The following PDZRN4 variants were observed in gnomAD, a reference collection of about 807,000 sequenced individuals.
PDZRN4 encodes PDZ domain containing ring finger 4.
PDZRN4 carries 70 observed loss-of-function variants against 99.0 expected under a neutral mutation model. The observed-to-expected ratio is 0.71, with a 90% CI of 0.58 to 0.86. The LOEUF is 0.86. Among genes scored for constraint, PDZRN4 ranks in the 40% least tolerant of loss-of-function variants. The probability of loss-of-function intolerance (pLI) is 0.00; values close to 1 mark genes in which losing one functional copy is unlikely to be tolerated. For synonymous variants in PDZRN4, 551 were observed against 501.6 expected (o/e 1.10, Z -1.32); for missense variants, 1,474 against 1,331.2 (o/e 1.11, Z -1.67).
In PDZRN4 at chr12:41,189,019, G is replaced by C. The variant is rs1950716585; in HGVS notation, c.564G>C (p.Thr188=). The C allele has an allele frequency of 3.2e-6, 5 of 1,559,384 alleles. No homozygotes were observed. Among genetic ancestry groups the C allele is most frequent in the Middle Eastern group, 1.7e-4 (1 of 6,044 alleles). ...LWALQGEVQL[T]ARRYQEKFTQ... ...CGCTGCAGGGCGAGGTGCAGCTCACGGCGCGCAGGTACCAGGAGAAGTTCA... is the reference window on the plus strand; with the variant it reads ...CGCTGCAGGGCGAGGTGCAGCTCACCGCGCGCAGGTACCAGGAGAAGTTCA... Residue 188 remains threonine (T), a synonymous_variant, in exon 1 of 10, where the codon ACG becomes ACC. Transcript: ENST00000402685.
At chr12:41,228,806 T>C (rs564013893) in intron 3 of PDZRN4, among the ~76,000 whole-genome samples, 3 of 152,226 alleles carry the variant, frequency 2.0e-5, no homozygotes, top group South Asian at 4.1e-4. Context: ...TGAAATTCAA[T>C]AGTATATACA....
intron 3 of PDZRN4, among the ~76,000 whole-genome samples, chr12:41,370,979 T>C (rs1002610057): frequency 6.6e-6 from 1 of 151,572 alleles, no homozygotes; most frequent in African/African-American, 2.4e-5. Flanking sequence ...ATTCCTCTAT[T>C]ATATGCACTT....
At chr12:41,331,593 A>G (rs1157191637) in intron 3 of PDZRN4, among the ~76,000 whole-genome samples, 5 of 152,106 alleles carry the variant, frequency 3.3e-5, no homozygotes, top group African/African-American at 1.2e-4. Context: ...AGCGATTTCT[A>G]TTTTCACAGT....
chr12:41,307,921 A>C (rs1951582909), intron 3 of PDZRN4, among the ~76,000 whole-genome samples: 1 of 152,132 alleles, frequency 6.6e-6, no homozygotes, highest in Non-Finnish European at 1.5e-5. Context: ...TATATGGAAC[A>C]AAAAAACAAC....
intron 3 of PDZRN4, among the ~76,000 whole-genome samples, chr12:41,430,892 A>T (rs1471034134): frequency 1.3e-5 from 2 of 152,190 alleles, no homozygotes; most frequent in Non-Finnish European, 2.9e-5. Context: ...GCTGCAGGGA[A>T]CTTTCAATCA....
chr12:41,321,662 T>A (rs1206656679), intron 3 of PDZRN4, among the ~76,000 whole-genome samples: 1 of 152,176 alleles, frequency 6.6e-6, no homozygotes, highest in Non-Finnish European at 1.5e-5. Flanking sequence ...TGGTTTTGGT[T>A]TTTTGGATGG....
At chr12:41,471,876 T>G (rs541776865) in intron 3 of PDZRN4, among the ~76,000 whole-genome samples, 1 of 150,890 alleles carries the variant, frequency 6.6e-6, no homozygotes, top group East Asian at 1.9e-4. Context: ...ATACACTAAG[T>G]TTTCTGTTAG....
At chr12:41,469,664 G>A (rs1592072579) in intron 3 of PDZRN4, among the ~76,000 whole-genome samples, 1 of 152,186 alleles carries the variant, frequency 6.6e-6, no homozygotes, top group East Asian at 1.9e-4. Flanking sequence ...GGGCAGGGTG[G>A]CTCACGCCTG....
chr12:41,396,076 A>G (rs1952243833), intron 3 of PDZRN4, among the ~76,000 whole-genome samples: 2 of 152,102 alleles, frequency 1.3e-5, no homozygotes, highest in South Asian at 2.1e-4. Context: ...TTTACTATAA[A>G]CAGCAAAAAG....
At chr12:41,417,337 C>T (rs1015149522) in intron 3 of PDZRN4, among the ~76,000 whole-genome samples, 5 of 152,322 alleles carry the variant, frequency 3.3e-5, no homozygotes, top group Non-Finnish European at 5.9e-5. Flanking sequence ...TGGTAAGTGC[C>T]ATTGCTAGCA....
intron 5 of PDZRN4, 141 bp from the exon 6 acceptor site, chr12:41,552,515 A>G (rs77088982): frequency 0.026 from 6,367 of 243,832 alleles, 360 homozygotes; most frequent in African/African-American, 0.22. Context: ...AATATTGGTA[A>G]AAAAAAAAAA....
At chr12:41,209,317 A>AGTTTTCTT (rs1950871556) in intron 3 of PDZRN4, among the ~76,000 whole-genome samples, 1 of 142,874 alleles carries the variant, frequency 7.0e-6, no homozygotes, top group Non-Finnish European at 1.5e-5. Flanking sequence ...GTCAATGGCA[A>AGTTTTCTT]GTTTTCTTTT....
At chr12:41,337,461 G>A (rs140293694) in intron 3 of PDZRN4, among the ~76,000 whole-genome samples, 1 of 151,922 alleles carries the variant, frequency 6.6e-6, no homozygotes, top group East Asian at 1.9e-4. Context: ...TGGACAACCA[G>A]ATGCGAAGAG....
chr12:41,546,363 T>C (rs545692523), intron 5 of PDZRN4, among the ~76,000 whole-genome samples: 18 of 152,330 alleles, frequency 1.2e-4, no homozygotes, highest in Non-Finnish European at 1.9e-4. Context: ...ATTAGATTAT[T>C]GTTTAACAGA....
chr12:41,250,102 T>G (rs544419597), intron 3 of PDZRN4, among the ~76,000 whole-genome samples: 10 of 152,210 alleles, frequency 6.6e-5, no homozygotes. Flanking sequence ...TGTTTGCTCT[T>G]GACTTAGGTG....
intron 3 of PDZRN4, among the ~76,000 whole-genome samples, chr12:41,397,984 T>C (rs115175004): frequency 2.2e-4 from 34 of 152,258 alleles, no homozygotes; most frequent in African/African-American, 7.2e-4. Context: ...AATCTGAACT[T>C]TGCTGCCTAC....
rs140368225 is a variant in PDZRN4, at chr12:41,426,646, AT to A, written c.844-79803del. On this transcript the variant is annotated intron_variant, in intron 3 of 9. Transcript: ENST00000402685. ...ATGTGAAAATGCACATCTTAATAGA[AT>A]TTTTTTGAGATGTAAAAAACTTTAG... 4.0e-3 allele frequency among the ~76,000 whole-genome samples: 604 copies of A among 152,306 alleles called. 18 individuals are homozygous for A. In the East Asian group the frequency reaches 0.091, roughly 23 times the overall value.
intron 3 of PDZRN4, among the ~76,000 whole-genome samples, chr12:41,233,338 T>C (rs1951042047): frequency 6.6e-6 from 1 of 152,116 alleles, no homozygotes; most frequent in African/African-American, 2.4e-5. Flanking sequence ...ACACTGTTGG[T>C]GGGACTGTAA....
intron 5 of PDZRN4, among the ~76,000 whole-genome samples, chr12:41,517,833 C>T (rs555627853): frequency 6.6e-6 from 1 of 152,112 alleles, no homozygotes; most frequent in South Asian, 2.1e-4. Flanking sequence ...CTCACATGGC[C>T]TCACACTGGT....
Sources: allele counts gnomAD v4.1 joint callset (sites outside exome capture counted in the v4.1 genomes callset), GRCh38; gene constraint gnomAD v4.1.1; transcripts MANE v1.5; gene names NCBI Gene and HGNC (gene_info 2026-07-23, HGNC 2026-07-21).